ADK: variants seen among roughly 807,000 people sequenced by gnomAD.
ADK encodes N6,N6-dimethyladenosine kinase.
In ADK, 24 loss-of-function variants were observed where a neutral mutation model predicts 44.7. The ratio of observed to expected loss-of-function variants is 0.54; its 90% CI spans 0.39 to 0.76. The LOEUF (loss-of-function observed/expected upper bound fraction) is 0.76, where lower values mean the gene tolerates loss of function less well. Among genes scored for constraint, ADK ranks in the 30% least tolerant of loss-of-function variants. ADK has a pLI of 0.00. For missense variants in ADK, 321 were observed against 425.1 expected, an observed-to-expected ratio of 0.76 and a Z score of 2.15; for synonymous variants, 128 against 142.6, an observed-to-expected ratio of 0.90 and a Z score of 0.73.
At chr10:74,522,021 T>C (rs1210960379) in intron 6 of ADK, among the ~76,000 whole-genome samples, 1 of 152,172 alleles carries the variant, frequency 6.6e-6, no homozygotes, top group African/African-American at 2.4e-5. Flanking sequence ...GAGGCAGTTG[T>C]AGGGGAGAAA....
intron 8 of ADK, among the ~76,000 whole-genome samples, chr10:74,597,394 T>C (rs986066635): frequency 6.6e-6 from 1 of 152,166 alleles, no homozygotes; most frequent in Non-Finnish European, 1.5e-5. Context: ...TAAACTACAA[T>C]AACTGAACTA....
At chr10:74,257,499 T>C (rs1381107974) in intron 3 of ADK, among the ~76,000 whole-genome samples, 1 of 152,126 alleles carries the variant, frequency 6.6e-6, no homozygotes, top group Non-Finnish European at 1.5e-5. Flanking sequence ...AAATGAAAAA[T>C]ATGAGTTAAT....
chr10:74,688,679 C>T (rs184911543), intron 10 of ADK, among the ~76,000 whole-genome samples: 1 of 152,138 alleles, frequency 6.6e-6, no homozygotes, highest in Non-Finnish European at 1.5e-5. Flanking sequence ...CTTTAAGAGG[C>T]TGAGGTGAGA....
chr10:74,304,958 G>T (rs1840194407), intron 3 of ADK, among the ~76,000 whole-genome samples: 1 of 152,150 alleles, frequency 6.6e-6, no homozygotes, highest in South Asian at 2.1e-4. Context: ...ATGGGGGATT[G>T]GTTCCGGGAA....
At chr10:74,389,639 T>A (rs1843270294) in intron 4 of ADK, among the ~76,000 whole-genome samples, 1 of 152,104 alleles carries the variant, frequency 6.6e-6, no homozygotes, top group Non-Finnish European at 1.5e-5. Context: ...TTAGAATGAC[T>A]TTTGAGTGGA....
chr10:74,696,667 G>A (rs1467610445), intron 10 of ADK, among the ~76,000 whole-genome samples: 2 of 152,050 alleles, frequency 1.3e-5, no homozygotes, highest in African/African-American at 4.8e-5. Context: ...ACCATGCCCA[G>A]CCCTCATTAT....
intron 6 of ADK, among the ~76,000 whole-genome samples, chr10:74,512,771 A>T: frequency 6.6e-6 from 1 of 150,696 alleles, no homozygotes. Context: ...TTATTTCTAC[A>T]CTGATCATTA....
chr10:74,532,118 A>G (rs1379934215), intron 7 of ADK, among the ~76,000 whole-genome samples: 5 of 152,184 alleles, frequency 3.3e-5, no homozygotes, highest in African/African-American at 7.2e-5. Flanking sequence ...AAATCCATCA[A>G]TGTAATTAAA....
chr10:74,244,259 G>A (rs1292718542), intron 3 of ADK, among the ~76,000 whole-genome samples: 1 of 152,108 alleles, frequency 6.6e-6, no homozygotes, highest in Non-Finnish European at 1.5e-5. Context: ...ATTTTAAAAC[G>A]AAAGTGATGC....
chr10:74,431,453 A>G (rs547170440), intron 6 of ADK, among the ~76,000 whole-genome samples: 21 of 152,316 alleles, frequency 1.4e-4, no homozygotes, highest in Admixed American at 1.2e-3. Context: ...CTTTAAATGC[A>G]TCTGAGGCCG....
At chr10:74,496,118 T>C (rs1847675755) in intron 6 of ADK, among the ~76,000 whole-genome samples, 1 of 152,192 alleles carries the variant, frequency 6.6e-6, no homozygotes, top group Non-Finnish European at 1.5e-5. Flanking sequence ...ATCAGAAATA[T>C]CACCTTTGGA....
chr10:74,169,278 A>G (rs939748348), intron 1 of ADK, among the ~76,000 whole-genome samples: 1 of 152,202 alleles, frequency 6.6e-6, no homozygotes, highest in Non-Finnish European at 1.5e-5. Flanking sequence ...GAGAAGGGCT[A>G]TTCTTTATTT....
intron 2 of ADK, among the ~76,000 whole-genome samples, chr10:74,201,700 C>G (rs970652003): frequency 0.017 from 2,423 of 145,132 alleles, 73 homozygotes; most frequent in African/African-American, 0.063. Context: ...ATCTATCTAT[C>G]TATCTATCTA....
chr10:74,331,359 G>A (rs1841212390), intron 4 of ADK, among the ~76,000 whole-genome samples: 1 of 152,052 alleles, frequency 6.6e-6, no homozygotes, highest in African/African-American at 2.4e-5. Flanking sequence ...TAGAAATAAT[G>A]AAGATTATGC....
chr10:74,326,304 G>A (rs976617877), intron 4 of ADK, among the ~76,000 whole-genome samples: 5 of 151,722 alleles, frequency 3.3e-5, no homozygotes, highest in South Asian at 2.1e-4. Context: ...TATTAGTTTC[G>A]CTTTGAATAT....
chr10:74,593,136 G>A (rs890682236), intron 8 of ADK, among the ~76,000 whole-genome samples: 3 of 152,162 alleles, frequency 2.0e-5, no homozygotes, highest in African/African-American at 7.2e-5. Context: ...TGATCACTCA[G>A]AGTTTCAGAG....
intron 2 of ADK, among the ~76,000 whole-genome samples, chr10:74,217,326 C>T (rs987307440): frequency 2.0e-5 from 3 of 152,226 alleles, no homozygotes; most frequent in East Asian, 1.9e-4. Context: ...GAGGGGCGCC[C>T]GCCATTGCCC....
intron 7 of ADK, among the ~76,000 whole-genome samples, chr10:74,554,624 CT>C (rs1267000933): frequency 6.6e-6 from 1 of 151,926 alleles, no homozygotes; most frequent in East Asian, 1.9e-4. Context: ...TTGTTGGTTT[CT>C]TTTTTCACTA....
intron 3 of ADK, among the ~76,000 whole-genome samples, chr10:74,297,617 C>T (rs1186295677): frequency 6.6e-6 from 1 of 152,180 alleles, no homozygotes; most frequent in African/African-American, 2.4e-5. Context: ...GGTTGGCAAA[C>T]TATGAGCTGT....
Sources: gnomAD v4.1 joint callset for allele counts (sites outside exome capture counted in the v4.1 genomes callset) on GRCh38, gnomAD v4.1.1 for gene constraint, MANE v1.5 for transcripts, NCBI Gene and HGNC (gene_info 2026-07-23, HGNC 2026-07-21) for gene names.